Variants in SIPA1L3 observed in about 807,000 individuals in gnomAD.
SIPA1L3 encodes the protein signal induced proliferation associated 1 like 3.
A neutral mutation model predicts 150.1 loss-of-function variants in SIPA1L3; 59 were observed. The observed-to-expected ratio is 0.39, with a 90% CI of 0.32 to 0.49. The LOEUF (loss-of-function observed/expected upper bound fraction) is 0.49. Ranked by LOEUF, SIPA1L3 falls within the 20% of genes least tolerant of loss-of-function variation. The pLI is 0.86. For synonymous variants in SIPA1L3, 1,070 were observed against 1,077.6 expected, an observed-to-expected ratio of 0.99 and a Z score of 0.14; for missense variants, 2,211 against 2,489.5, an observed-to-expected ratio of 0.89 and a Z score of 2.38.
At chr19:37,949,229 C>G (rs2046739862) in intron 1 of SIPA1L3, among the ~76,000 whole-genome samples, 1 of 152,174 alleles carries the variant, frequency 6.6e-6, no homozygotes, top group Non-Finnish European at 1.5e-5. Flanking sequence ...TTTCTCCAGG[C>G]ATTTGGCCAC....
chr19:38,141,549 G>C, intron 11 of SIPA1L3, 114 bp downstream of exon 11: 1 of 1,160,496 alleles, frequency 8.6e-7, no homozygotes, highest in Non-Finnish European at 1.2e-6. Flanking sequence ...TCAAGCTTTC[G>C]ACCTTCCTTC....
chr19:38,015,721 TAAAAAAAAAAA>T (rs59452393), intron 1 of SIPA1L3, among the ~76,000 whole-genome samples: 1 of 102,166 alleles, frequency 9.8e-6, no homozygotes, highest in Non-Finnish European at 1.8e-5. Context: ...AAGATCCTGT[TAAAAAAAAAAA>T]AAAAAAAAAA....
intron 2 of SIPA1L3, among the ~76,000 whole-genome samples, chr19:38,062,809 CAG>C (rs1308997020): frequency 2.0e-5 from 3 of 152,050 alleles, no homozygotes; most frequent in African/African-American, 7.2e-5. Context: ...TTAGTAGAGA[CAG>C]AGTTTCACCA....
chr19:38,026,197 C>T (rs1458363134), intron 1 of SIPA1L3, among the ~76,000 whole-genome samples: 1 of 152,212 alleles, frequency 6.6e-6, no homozygotes, highest in Non-Finnish European at 1.5e-5. Flanking sequence ...CCTCCTGGCT[C>T]AGCATTCTTC....
chr19:37,985,322 G>A (rs1040232649), intron 1 of SIPA1L3, among the ~76,000 whole-genome samples: 24 of 151,676 alleles, frequency 1.6e-4, no homozygotes, highest in African/African-American at 5.8e-4. Context: ...TCAGCCTCCT[G>A]ATTGAGACTA....
Position 38,059,311 on chromosome 19 carries a change from A to ATTT in SIPA1L3, c.-310-21926_-310-21924dup, listed in dbSNP as rs35717284. On this transcript the variant is annotated intron_variant, in intron 2 of 21. Coordinates refer to ENST00000222345, the MANE Select transcript of SIPA1L3 (RefSeq NM_015073.3). ...CCACCATGCCCAGCAAACAGCTGAG[A>ATTT]TTTTTTTTTTTTTTTTTTTTTGAGA... Among the ~76,000 whole-genome samples, 171 of 113,872 alleles carry ATTT rather than the reference A, an allele frequency of 1.5e-3. 1 individual carries two copies. Among genetic ancestry groups the ATTT allele is most frequent in the Middle Eastern group, 5.1e-3 (1 of 196 alleles). 74.7% of individuals were successfully genotyped at this position (113,872 alleles called of 152,430 possible).
intron 2 of SIPA1L3, among the ~76,000 whole-genome samples, chr19:38,078,510 A>G (rs73930348): frequency 1.3e-5 from 2 of 150,332 alleles, no homozygotes; most frequent in African/African-American, 4.9e-5. Flanking sequence ...GCACACAGAC[A>G]TGCACACACA....
rs1293411488 is a variant in SIPA1L3 at position 38,082,625 on chromosome 19, G to T, written c.1060G>T (p.Glu354Ter). ...GCAGAGCATGCTGTTCGACCTCAAC[G>T]AGGCGGCCGCCAACAGGGTGTCGGT... ...DVQSMLFDLN[E>*]AAANRVSVSQ... Residue 354 changes from glutamate (E) to a stop codon, truncating the protein, a stop_gained, in exon 3 of 22, where the codon GAG becomes TAG. Coordinates refer to ENST00000222345, the MANE Select transcript of SIPA1L3 (RefSeq NM_015073.3). LOFTEE classifies it high-confidence loss of function. The T allele has an allele frequency of 6.2e-7, 1 of 1,605,162 alleles. No homozygotes were observed.
At chr19:38,194,761 C>G (rs1390427133) in intron 18 of SIPA1L3, among the ~76,000 whole-genome samples, 1 of 152,006 alleles carries the variant, frequency 6.6e-6, no homozygotes, top group East Asian at 1.9e-4. Context: ...TATTAAAACT[C>G]CCCTGCAGGC....
rs1348462338 is a variant in SIPA1L3 at position 38,046,003 on chromosome 19, T to A, written c.-311+16847T>A. On this transcript the variant is annotated intron_variant, in intron 2 of 21. Transcript: ENST00000222345. This position sits in a 1 kb window ranked among gnomAD's most constrained non-coding sequence, Gnocchi z 5.6. ...CTGTGTGCACTTTCAAGCCTTGATG[T>A]CCTGACACTCTTCCTCCCCCAGGAC... Among the ~76,000 whole-genome samples the A allele has an allele frequency of 1.3e-5, 2 of 152,174 alleles. No homozygotes were observed. Among genetic ancestry groups the A allele is most frequent in the Non-Finnish European group, 2.9e-5 (2 of 68,034 alleles).
intron 2 of SIPA1L3, among the ~76,000 whole-genome samples, chr19:38,062,861 T>A (rs1599980622): frequency 6.6e-6 from 1 of 152,148 alleles, no homozygotes; most frequent in South Asian, 2.1e-4. Flanking sequence ...CCTCAGGTGA[T>A]CCGCCTGCCG....
chr19:37,981,877 G>A (rs756789792), intron 1 of SIPA1L3, among the ~76,000 whole-genome samples: 2 of 152,154 alleles, frequency 1.3e-5, no homozygotes, highest in Non-Finnish European at 2.9e-5. Flanking sequence ...ATAACTGCAG[G>A]GAAGGGTGAG....
At chr19:38,103,478 TG>T (rs1970552799) in intron 6 of SIPA1L3, among the ~76,000 whole-genome samples, 1 of 151,106 alleles carries the variant, frequency 6.6e-6, no homozygotes, top group Admixed American at 6.6e-5. Flanking sequence ...AATACAAAAA[TG>T]TAACCAGGTG....
intron 1 of SIPA1L3, among the ~76,000 whole-genome samples, chr19:37,927,936 C>A (rs889338189): frequency 6.6e-6 from 1 of 152,014 alleles, no homozygotes; most frequent in African/African-American, 2.4e-5. Flanking sequence ...TTATCTTTGT[C>A]CAGTCCGCTG....
At chr19:38,148,284 G>A (rs1004523717) in intron 12 of SIPA1L3, among the ~76,000 whole-genome samples, 19 of 151,568 alleles carry the variant, frequency 1.3e-4, no homozygotes, top group African/African-American at 4.6e-4. Flanking sequence ...CCGGGAGGCG[G>A]AGGTTGCAGT....
At chr19:38,195,793 T>TCCCCCCCCCCCCCCCCCCCCCCCCC (rs528922318) in intron 18 of SIPA1L3, among the ~76,000 whole-genome samples, 1 of 20,028 alleles carries the variant, frequency 5.0e-5, no homozygotes, top group African/African-American at 3.0e-4. Context: ...ACAGGCCCCG[T>TCCCCCCCCCCCCCCCCCCCCCCCCC]CCCCCCCCGC....
At chr19:38,149,313 C>T (rs773948557) in intron 12 of SIPA1L3, among the ~76,000 whole-genome samples, 2 of 152,090 alleles carry the variant, frequency 1.3e-5, no homozygotes, top group Non-Finnish European at 2.9e-5. Context: ...GAGAATATCG[C>T]TTGAACCCTG....
At chr19:37,951,261 G>T (rs2046761403) in intron 1 of SIPA1L3, among the ~76,000 whole-genome samples, 1 of 152,206 alleles carries the variant, frequency 6.6e-6, no homozygotes, top group South Asian at 2.1e-4. Flanking sequence ...ATCTTGAGGG[G>T]TTACAAACAA....
intron 16 of SIPA1L3, among the ~76,000 whole-genome samples, chr19:38,183,749 C>T (rs1159899386): frequency 6.6e-6 from 1 of 152,038 alleles, no homozygotes; most frequent in Non-Finnish European, 1.5e-5. Context: ...GAGACTGAAA[C>T]CCCTTGATGT....
Sources: gnomAD v4.1 joint callset for allele counts (sites outside exome capture counted in the v4.1 genomes callset) on GRCh38, gnomAD v4.1.1 for gene constraint, Gnocchi (gnomAD v3.1) non-coding constraint, MANE v1.5 for transcripts, NCBI Gene and HGNC (gene_info 2026-07-23, HGNC 2026-07-21) for gene names.